The following AIMP1 variants were observed in gnomAD, a reference collection of about 807,000 sequenced individuals.
AIMP1 encodes aminoacyl tRNA synthase complex-interacting multifunctional protein 1.
AIMP1 carries 24 observed loss-of-function variants against 33.1 expected under a neutral mutation model. The ratio of observed to expected loss-of-function variants is 0.73; its 90% CI spans 0.53 to 1.02. The LOEUF (loss-of-function observed/expected upper bound fraction) is 1.02. Among genes scored for constraint, AIMP1 ranks in the 50% least tolerant of loss-of-function variants. The probability of loss-of-function intolerance (pLI) is 0.00; values close to 1 mark genes in which losing one functional copy is unlikely to be tolerated. For synonymous variants in AIMP1, 120 were observed against 121.5 expected, an observed-to-expected ratio of 0.99 and a Z score of 0.08; for missense variants, 367 against 364.8, an observed-to-expected ratio of 1.01 and a Z score of -0.05.
chr4:106,331,979 CAT>C (rs1489592744), intron 5 of AIMP1, 96 bp downstream of exon 5: 33 of 1,170,022 alleles, frequency 2.8e-5, no homozygotes, highest in Non-Finnish European at 4.2e-5. Flanking sequence ...TACCATACAA[CAT>C]GTGCCCTTGT....
chr4:106,346,613 TATC>T (rs1233108549), intron 6 of AIMP1, among the ~76,000 whole-genome samples: 2 of 152,162 alleles, frequency 1.3e-5, no homozygotes, highest in Non-Finnish European at 2.9e-5. Context: ...CCAAAGTAGT[TATC>T]ATCATTAGCT....
chr4:106,337,135 A>T lies in AIMP1; in HGVS notation c.772+98A>T, dbSNP rs144382086. On this transcript the variant is annotated intron_variant, in intron 6 of 6. Coordinates refer to ENST00000672341, the MANE Select transcript of AIMP1 (RefSeq NM_001142416.2). Reference sequence around the variant, plus strand: ...TTAAAATCAGTCCTGTGTAAGAATCATGAGTCTTACATTAATGACCATTAT... The same window carrying T: ...TTAAAATCAGTCCTGTGTAAGAATCTTGAGTCTTACATTAATGACCATTAT... 1,791 of 1,141,610 alleles carry T rather than the reference A, an allele frequency of 1.6e-3. 3 individuals carry two copies. Among genetic ancestry groups the T allele is most frequent in the Admixed American group, 2.1e-3 (122 of 58,268 alleles). The allele number at this position is 1,141,610 out of a possible 1,614,324, so 70.7% of individuals were successfully genotyped here.
intron 2 of AIMP1, among the ~76,000 whole-genome samples, chr4:106,325,349 A>G (rs1769418230): frequency 6.6e-6 from 1 of 152,012 alleles, no homozygotes; most frequent in Non-Finnish European, 1.5e-5. Flanking sequence ...AAATTTCAAA[A>G]TCTTTTGCTG....
At chr4:106,329,369 A>T (rs1189749388) in intron 4 of AIMP1, among the ~76,000 whole-genome samples, 1 of 152,190 alleles carries the variant, frequency 6.6e-6, no homozygotes, top group East Asian at 1.9e-4. Context: ...ACTCAGGATT[A>T]ATCAGTCTTC....
At chr4:106,316,367 G>T (rs73839427), upstream of AIMP1, 8 of 609,326 alleles carry the variant, frequency 1.3e-5, 1 homozygote, top group South Asian at 8.2e-5. Context: ...GGGGGGGGTC[G>T]ATTGAAAATA....
chr4:106,324,379 A>G (rs1440600110), intron 1 of AIMP1, among the ~76,000 whole-genome samples: 1 of 151,996 alleles, frequency 6.6e-6, no homozygotes, highest in Non-Finnish European at 1.5e-5. Context: ...CTGTACCTTG[A>G]TAGTATTTTT....
At chr4:106,337,684 G>T (rs1769942653) in intron 6 of AIMP1, among the ~76,000 whole-genome samples, 1 of 152,290 alleles carries the variant, frequency 6.6e-6, no homozygotes, top group Admixed American at 6.5e-5. Flanking sequence ...GTGTGGAAGC[G>T]ACTTTGGAAC....
intron 4 of AIMP1, among the ~76,000 whole-genome samples, chr4:106,329,772 C>CCTTTTTTTTTTTTTTTTTTTTTTT (rs1554000880): frequency 5.7e-5 from 3 of 53,062 alleles, no homozygotes; most frequent in Non-Finnish European, 7.5e-5. Context: ...TGCTACATAT[C>CCTTTTTTTTTTTTTTTTTTTTTTT]TTTTTTTTTT....
chr4:106,347,697 C>A lies in AIMP1; in HGVS notation c.*5C>A, dbSNP rs993233612. Reference sequence around the variant, plus strand: ...AGCAACAGTGGAATCAAATAAAATGCTTCCACTACCAAAAGACATTAGAGA... The same window carrying A: ...AGCAACAGTGGAATCAAATAAAATGATTCCACTACCAAAAGACATTAGAGA... On this transcript the variant is annotated 3_prime_UTR_variant, in exon 7 of 7. Coordinates refer to ENST00000672341, the MANE Select transcript of AIMP1 (RefSeq NM_001142416.2). 1 of 1,611,824 alleles carries A rather than the reference C, an allele frequency of 6.2e-7. No individual in the cohort carries two copies. Among genetic ancestry groups the A allele is most frequent in the East Asian group, 2.2e-5 (1 of 44,716 alleles).
rs186432180 is a variant in AIMP1 at position 106,329,890 on chromosome 4, A to G, written c.391+1647A>G. On this transcript the variant is annotated intron_variant, in intron 4 of 6. Coordinates refer to ENST00000672341, the MANE Select transcript of AIMP1 (RefSeq NM_001142416.2). ...AACCTCCACCTCCCGGGTTCAAGCA[A>G]TTCTATCTTAGCCTCCCAAGTAGCT... is the stretch of plus-strand genomic sequence containing the variant. Among the ~76,000 whole-genome samples the G allele has an allele frequency of 2.1e-3, 306 of 146,448 alleles. 2 individuals carry two copies. Among genetic ancestry groups the G allele is most frequent in the Non-Finnish European group, 7.4e-4 (50 of 67,372 alleles).
upstream of AIMP1, chr4:106,315,859 T>G (rs1209726635): frequency 6.6e-6 from 1 of 152,602 alleles, no homozygotes; most frequent in Non-Finnish European, 1.5e-5. Flanking sequence ...CACTCACTGC[T>G]CCTGATAGTC....
At position 106,348,364 on chromosome 4, in the gene AIMP1, C is replaced by T. The variant is rs1579650962; in HGVS notation, c.*672C>T. ...GTTTTGACTAGGTCTAAAGAATGAA[C>T]ACATTGTAAACAGTTGCCACAGTAG... is the stretch of plus-strand genomic sequence containing the variant. On this transcript the variant is annotated 3_prime_UTR_variant, in exon 7 of 7. Coordinates refer to ENST00000672341, the MANE Select transcript of AIMP1 (RefSeq NM_001142416.2). 1 of 151,338 alleles carries T rather than the reference C, an allele frequency of 6.6e-6. No homozygotes were observed. Among genetic ancestry groups the T allele is most frequent in the South Asian group, 2.1e-4 (1 of 4,802 alleles). The allele number at this position is 151,338 out of a possible 1,614,324, so 9.4% of individuals were successfully genotyped here.
Position 106,316,577 on chromosome 4 carries a change from C to T in AIMP1, c.-43C>T, listed in dbSNP as rs1395613858. 7 of 1,551,526 alleles carry T rather than the reference C, an allele frequency of 4.5e-6. No homozygotes were observed. The highest frequency in any genetic ancestry group is 6.1e-6 in the Non-Finnish European group (7 of 1,146,914). ...TTCCTGCTGTGGCTGTCTCGGAACC[C>T]GTGGTCCTCCGCTTCATGTGAGTGA... is the stretch of plus-strand genomic sequence containing the variant. On this transcript the variant is annotated 5_prime_UTR_variant, in exon 1 of 7. Transcript: ENST00000672341.
At chr4:106,341,449 T>A (rs904421137) in intron 6 of AIMP1, among the ~76,000 whole-genome samples, 1 of 152,186 alleles carries the variant, frequency 6.6e-6, no homozygotes, top group Non-Finnish European at 1.5e-5. Flanking sequence ...CTTTAATCCA[T>A]CTTGAGTTAA....
intron 6 of AIMP1, among the ~76,000 whole-genome samples, chr4:106,338,825 T>C (rs943762907): frequency 2.0e-5 from 3 of 152,186 alleles, no homozygotes; most frequent in African/African-American, 7.2e-5. Flanking sequence ...AACTCCAGCC[T>C]GTGAAAGCAG....
rs1770375366 is a variant in AIMP1 at position 106,348,214 on chromosome 4, C to G, written c.*522C>G. On this transcript the variant is annotated 3_prime_UTR_variant, in exon 7 of 7. Coordinates refer to ENST00000672341, the MANE Select transcript of AIMP1 (RefSeq NM_001142416.2). ...ACATAAAAGCTAGGAGAAGTGGCAT[C>G]TGAACATTTTTGCTTTGCTGCCAGA... 1 of 152,202 alleles carries G rather than the reference C, an allele frequency of 6.6e-6. No homozygotes were observed. The highest frequency in any genetic ancestry group is 1.5e-5 in the Non-Finnish European group (1 of 68,084). The allele number at this position is 152,202 out of a possible 1,614,324, so 9.4% of individuals were successfully genotyped here. A position where few individuals can be genotyped will look rare whatever the true frequency, so the allele number is the denominator to read the frequency against.
chr4:106,339,225 G>A (rs1321144461), intron 6 of AIMP1, among the ~76,000 whole-genome samples: 2 of 152,208 alleles, frequency 1.3e-5, no homozygotes, highest in African/African-American at 2.4e-5. Context: ...GGGAAGGCAT[G>A]ATTGGTTTTG....
At chr4:106,320,494 GTGTC>G (rs1769172840) in intron 1 of AIMP1, among the ~76,000 whole-genome samples, 1 of 152,268 alleles carries the variant, frequency 6.6e-6, no homozygotes, top group African/African-American at 2.4e-5. Flanking sequence ...GAGTAGTAAA[GTGTC>G]TGTCTGTCTT....
At chr4:106,316,343 A>T, upstream of AIMP1, 4 of 572,938 alleles carry the variant, frequency 7.0e-6, no homozygotes, top group Non-Finnish European at 1.3e-5. Flanking sequence ...AGAGAGAAAG[A>T]GGTGCGGGGG....
Sources: allele counts gnomAD v4.1 joint callset (sites outside exome capture counted in the v4.1 genomes callset), GRCh38; gene constraint gnomAD v4.1.1; transcripts MANE v1.5; gene names NCBI Gene and HGNC (gene_info 2026-07-23, HGNC 2026-07-21).